HPSE2: variants seen among roughly 807,000 people sequenced by gnomAD.
HPSE2 encodes heparanase 2 (inactive), also known as inactive heparanase-2.
HPSE2 carries 38 observed loss-of-function variants against 60.5 expected under a neutral mutation model. The observed-to-expected ratio is 0.63, with a 90% CI of 0.48 to 0.82. HPSE2 has a LOEUF of 0.82. Ranked by LOEUF, HPSE2 falls within the 40% of genes least tolerant of loss-of-function variation. HPSE2 has a pLI of 0.00. For missense variants in HPSE2, 713 were observed against 740.4 expected, an observed-to-expected ratio of 0.96 and a Z score of 0.43; for synonymous variants, 295 against 293.2, an observed-to-expected ratio of 1.01 and a Z score of -0.06.
intron 9 of HPSE2, among the ~76,000 whole-genome samples, chr10:98,552,758 G>A (rs976844012): frequency 1.3e-5 from 2 of 151,950 alleles, no homozygotes; most frequent in East Asian, 3.9e-4. Context: ...TAAAATAATG[G>A]TGTGTCTTTC....
At chr10:98,701,303 T>C (rs1273731417) in intron 5 of HPSE2, among the ~76,000 whole-genome samples, 2 of 141,180 alleles carry the variant, frequency 1.4e-5, no homozygotes, top group African/African-American at 5.0e-5. Context: ...TGGAATACTA[T>C]GCAGCCATAA....
chr10:98,977,169 C>T (rs1457128735), intron 3 of HPSE2, among the ~76,000 whole-genome samples: 2 of 152,146 alleles, frequency 1.3e-5, no homozygotes, highest in East Asian at 3.9e-4. Flanking sequence ...CCATAGGAAA[C>T]CATCCATTTG....
chr10:98,986,851 A>G (rs895915079), intron 3 of HPSE2, among the ~76,000 whole-genome samples: 1 of 152,224 alleles, frequency 6.6e-6, no homozygotes, highest in Non-Finnish European at 1.5e-5. Flanking sequence ...ACCATCAGAG[A>G]ATACTATAAA....
intron 3 of HPSE2, among the ~76,000 whole-genome samples, chr10:98,960,228 G>A (rs1212349837): frequency 2.0e-5 from 3 of 152,046 alleles, no homozygotes; most frequent in Non-Finnish European, 4.4e-5. Flanking sequence ...TCACTGCCAT[G>A]CTAGTATGTC....
intron 3 of HPSE2, among the ~76,000 whole-genome samples, chr10:99,022,285 G>A (rs10883249): frequency 0.48 from 73,191 of 151,686 alleles, 19,786 homozygotes; most frequent in East Asian, 0.62. Flanking sequence ...GCCCACCCAC[G>A]GAGGGAGCAT....
chr10:99,135,103 A>G (rs2135750349), intron 3 of HPSE2, among the ~76,000 whole-genome samples: 1 of 152,328 alleles, frequency 6.6e-6, no homozygotes, highest in Non-Finnish European at 1.5e-5. Context: ...ACCAACAAAG[A>G]TCAAAAGAGA....
At chr10:99,265,802 A>C in the HPSE2 span, among the ~76,000 whole-genome samples, 1 of 152,112 alleles carries the variant, frequency 6.6e-6, no homozygotes, top group South Asian at 2.1e-4. Flanking sequence ...ACAGACAAAA[A>C]ACTGTGAGTG....
chr10:99,305,668 A>C, the HPSE2 span, among the ~76,000 whole-genome samples: 1 of 152,272 alleles, frequency 6.6e-6, no homozygotes, highest in Admixed American at 6.5e-5. Flanking sequence ...CAATAAAAGC[A>C]GACCCATAGG....
At chr10:99,168,976 C>T (rs570303298) in intron 2 of HPSE2, among the ~76,000 whole-genome samples, 1 of 151,952 alleles carries the variant, frequency 6.6e-6, no homozygotes, top group African/African-American at 2.4e-5. Flanking sequence ...GGGTGGATCA[C>T]AAGGTCAGGA....
At chr10:98,652,266 A>C (rs545405713) in intron 6 of HPSE2, among the ~76,000 whole-genome samples, 8 of 152,338 alleles carry the variant, frequency 5.3e-5, no homozygotes, top group Non-Finnish European at 1.0e-4. Context: ...GGGAATAGGA[A>C]GGTAAGAGCC....
At chr10:98,945,080 C>G (rs1438007105) in intron 3 of HPSE2, among the ~76,000 whole-genome samples, 1 of 152,142 alleles carries the variant, frequency 6.6e-6, no homozygotes, top group Non-Finnish European at 1.5e-5. Context: ...AGATGTATGA[C>G]ATGTAAGCCT....
At chr10:98,755,721 G>T (rs1219829050) in intron 3 of HPSE2, among the ~76,000 whole-genome samples, 2 of 152,178 alleles carry the variant, frequency 1.3e-5, no homozygotes, top group Non-Finnish European at 2.9e-5. Context: ...CTCTTGGCTG[G>T]GTGTGGTGGC....
intron 3 of HPSE2, among the ~76,000 whole-genome samples, chr10:98,908,481 C>G (rs1953885830): frequency 6.6e-6 from 1 of 151,768 alleles, no homozygotes; most frequent in South Asian, 2.1e-4. Context: ...GTCAGGAGTT[C>G]AAGACCAGCC....
intron 3 of HPSE2, among the ~76,000 whole-genome samples, chr10:98,805,550 C>T (rs1296673140): frequency 1.3e-5 from 2 of 150,820 alleles, no homozygotes; most frequent in Admixed American, 6.6e-5. Flanking sequence ...TACTATGTAT[C>T]CACAAAAATA....
At chr10:99,158,035 A>G (rs1367923231) in intron 2 of HPSE2, among the ~76,000 whole-genome samples, 3 of 146,154 alleles carry the variant, frequency 2.1e-5, no homozygotes, top group Non-Finnish European at 4.5e-5. Flanking sequence ...AAGAAATGCA[A>G]ATCAAAACCA....
intron 3 of HPSE2, among the ~76,000 whole-genome samples, chr10:98,908,236 A>G (rs1953877951): frequency 6.6e-6 from 1 of 152,242 alleles, no homozygotes; most frequent in Non-Finnish European, 1.5e-5. Flanking sequence ...AATGTGAAAT[A>G]ACAAAGAACC....
intron 3 of HPSE2, among the ~76,000 whole-genome samples, chr10:98,780,279 G>A (rs1009540976): frequency 6.6e-6 from 1 of 152,070 alleles, no homozygotes; most frequent in Non-Finnish European, 1.5e-5. Flanking sequence ...AAACACAAAA[G>A]ACAGAAGATC....
At chr10:98,886,424 A>G (rs11189853) in intron 3 of HPSE2, among the ~76,000 whole-genome samples, 14,576 of 152,150 alleles carry the variant, frequency 0.096, 834 homozygotes, top group South Asian at 0.2. Context: ...CAGTGCATCT[A>G]TTATGTATAA....
chr10:98,896,114 T>G (rs1953485623), intron 3 of HPSE2, among the ~76,000 whole-genome samples: 1 of 151,650 alleles, frequency 6.6e-6, no homozygotes, highest in Admixed American at 6.6e-5. Context: ...AAAAAAAACC[T>G]CATCTATAGT....
Sources: gnomAD v4.1 joint callset for allele counts (sites outside exome capture counted in the v4.1 genomes callset) on GRCh38, gnomAD v4.1.1 for gene constraint, MANE v1.5 for transcripts, NCBI Gene and HGNC (gene_info 2026-07-23, HGNC 2026-07-21) for gene names.